Variants in NXPH3 observed in about 807,000 individuals in gnomAD.
NXPH3 encodes the protein neurexophilin 3.
In NXPH3, 7 loss-of-function variants were observed where a neutral mutation model predicts 18.8. The ratio of observed to expected loss-of-function variants is 0.37; its 90% CI spans 0.21 to 0.70. The LOEUF is 0.70. NXPH3 is among the 30% of genes least tolerant of loss of function. The pLI, the probability that NXPH3 is intolerant of heterozygous loss-of-function variation, is 0.53. For missense variants in NXPH3, 282 were observed against 338.1 expected, an observed-to-expected ratio of 0.83 and a Z score of 1.30; for synonymous variants, 101 against 137.3, an observed-to-expected ratio of 0.74 and a Z score of 1.85.
rs924458878 is a variant in NXPH3, at chr17:49,581,855, G to A, written c.*2555G>A. ...CTCCTCCTGTGGAGAGCCAGATGCT[G>A]GCGACAGCTGGAGGGCCCGGCCTTC... On this transcript the variant is annotated 3_prime_UTR_variant, in exon 2 of 2. Transcript: ENST00000328741. The A allele has an allele frequency of 7.2e-6, 5 of 690,122 alleles. No individual in the cohort carries two copies. Among genetic ancestry groups the A allele is most frequent in the African/African-American group, 3.5e-5 (2 of 56,870 alleles). The allele number at this position is 690,122 out of a possible 1,614,324, so 42.7% of individuals were successfully genotyped here.
chr17:49,576,345 C>A, intron 1 of NXPH3, 72 bp downstream of exon 1: 5 of 1,499,860 alleles, frequency 3.3e-6, no homozygotes, highest in Non-Finnish European at 3.6e-6. Flanking sequence ...GGGAAGCTTG[C>A]GAGCCCTGAA....
chr17:49,578,731 A>C lies in NXPH3; in HGVS notation c.190A>C (p.Thr64Pro). The change falls in exon 2 of 2, where the codon ACT (threonine) becomes CCT (proline). Residue 64 changes from threonine (T) to proline (P), a missense_variant. By Grantham distance (38) the Thr-to-Pro change is conservative. Coordinates refer to ENST00000328741, the MANE Select transcript of NXPH3 (RefSeq NM_007225.4). This position sits in a 1 kb window ranked among gnomAD's most constrained non-coding sequence, Gnocchi z 4.5. ...TAAGTCCCGCCCCATGGCCAATTCC[A>C]CTCTCCTAGGGCTGCTGGCCCCGCC... ...SPKSRPMANSTLLGLLAPPGE... is the reference protein window; with the variant it reads ...SPKSRPMANSPLLGLLAPPGE... 1.2e-6 allele frequency: 2 copies of C among 1,612,772 alleles called. No individual in the cohort carries two copies. Among genetic ancestry groups the C allele is most frequent in the Non-Finnish European group, 1.7e-6 (2 of 1,179,806 alleles).
Position 49,581,148 on chromosome 17 carries a change from T to C in NXPH3, c.*1848T>C, listed in dbSNP as rs1427608425. 10 of 179,116 alleles carry C rather than the reference T, an allele frequency of 5.6e-5. No individual in the cohort carries two copies. The highest frequency in any genetic ancestry group is 8.2e-5 in the Non-Finnish European group (7 of 85,446). The allele number at this position is 179,116 out of a possible 1,614,324, so 11.1% of individuals were successfully genotyped here. A position where few individuals can be genotyped will look rare whatever the true frequency, so the allele number is the denominator to read the frequency against. Reference sequence around the variant, plus strand: ...ACCACATGCCAGTGAAGGAACAGGCTGGAGTGGGGTGTGGACACAGGGCCT... The same window carrying C: ...ACCACATGCCAGTGAAGGAACAGGCCGGAGTGGGGTGTGGACACAGGGCCT... On this transcript the variant is annotated 3_prime_UTR_variant, in exon 2 of 2. Transcript: ENST00000328741.
Position 49,579,133 on chromosome 17 carries a change from A to G in NXPH3, c.592A>G (p.Ile198Val), listed in dbSNP as rs772159853. ...TSLCTHDPAKICSRDHAQSSA... is the reference protein window; with the variant it reads ...TSLCTHDPAKVCSRDHAQSSA... ...GCTTTGCACCCACGACCCAGCCAAG[A>G]TCTGCTCCCGAGACCACGCTCAGAG... The change falls in exon 2 of 2, where the codon ATC becomes GTC. Residue 198 changes from isoleucine (I) to valine (V), a missense_variant. Coordinates refer to ENST00000328741, the MANE Select transcript of NXPH3 (RefSeq NM_007225.4). The surrounding 1 kb of genome is among the most constrained non-coding windows in gnomAD (Gnocchi z 6.0). The G allele has an allele frequency of 1.9e-6, 3 of 1,613,948 alleles. No individual in the cohort carries two copies. The highest frequency in any genetic ancestry group is 2.5e-6 in the Non-Finnish European group (3 of 1,180,042).
chr17:49,576,164 G>A lies in NXPH3; in HGVS notation c.-56G>A, dbSNP rs2071569795. ...CTGAAGGAGCAGGAAGGGGAAGGAG[G>A]CCTGGGACCCCGAAAAGAGAAGGGG... On this transcript the variant is annotated 5_prime_UTR_variant, in exon 1 of 2. Transcript: ENST00000328741. 2.6e-6 allele frequency: 4 copies of A among 1,548,264 alleles called. No individual in the cohort carries two copies. The highest frequency in any genetic ancestry group is 2.0e-5 in the Admixed American group (1 of 51,088).
intron 1 of NXPH3, among the ~76,000 whole-genome samples, 178 bp downstream of exon 1, chr17:49,576,451 TA>T (rs1401235869): frequency 4.0e-5 from 6 of 151,024 alleles, no homozygotes; most frequent in Admixed American, 3.9e-4. Context: ...CAGATAGGGT[TA>T]ATAGGGGCGG....
Position 49,578,675 on chromosome 17 carries a change from G to T in NXPH3, c.134G>T (p.Arg45Leu). The change falls in exon 2 of 2, where the codon CGG becomes CTG. Residue 45 changes from arginine to leucine, a missense_variant. Arg to Leu is a moderately radical substitution (Grantham distance 102). Coordinates refer to ENST00000328741, the MANE Select transcript of NXPH3 (RefSeq NM_007225.4). The surrounding 1 kb of genome is among the most constrained non-coding windows in gnomAD (Gnocchi z 4.5). Reference protein sequence around the residue: ...RDDHEGQPRPRVPRKRGHISP... With the variant: ...RDDHEGQPRPLVPRKRGHISP... ...GACCACGAGGGCCAGCCCCGGCCCCGGGTGCCTCGGAAGCGGGGCCACATC... is the reference window on the plus strand; with the variant it reads ...GACCACGAGGGCCAGCCCCGGCCCCTGGTGCCTCGGAAGCGGGGCCACATC... The T allele has an allele frequency of 6.2e-7, 1 of 1,612,100 alleles. No individual in the cohort carries two copies. The highest frequency in any genetic ancestry group is 8.5e-7 in the Non-Finnish European group (1 of 1,179,448).
At chr17:49,576,397 A>T (rs2071571303) in intron 1 of NXPH3, 124 bp downstream of exon 1, 1 of 1,127,270 alleles carries the variant, frequency 8.9e-7, no homozygotes, top group East Asian at 2.6e-5. Flanking sequence ...GGCGGGGAAG[A>T]CTGGAGGCTG....
Position 49,583,555 on chromosome 17 carries a change from G to A in NXPH3, c.*4255G>A, listed in dbSNP as rs2071611621. 1 of 152,216 alleles carries A rather than the reference G, an allele frequency of 6.6e-6. No homozygotes were observed. The highest frequency in any genetic ancestry group is 6.5e-5 in the Admixed American group (1 of 15,286). 9.4% of individuals were successfully genotyped at this position (152,216 alleles called of 1,614,324 possible). ...AGGATGCCTAGTTCAAGGCCTCCCA[G>A]TTCCTCATCCCAGGCCACCTGGTCA... On this transcript the variant is annotated 3_prime_UTR_variant, in exon 2 of 2. Transcript: ENST00000328741.
rs1403717623 is a variant in NXPH3, at chr17:49,580,956, C to G, written c.*1656C>G. On this transcript the variant is annotated 3_prime_UTR_variant, in exon 2 of 2. Coordinates refer to ENST00000328741, the MANE Select transcript of NXPH3 (RefSeq NM_007225.4). ...TATGCTGATGCTGCTGCTCCAGGGC[C>G]CATGCTGGGAGACCCACTCAAAGGA... The G allele has an allele frequency of 6.5e-6, 1 of 153,012 alleles. No individual in the cohort carries two copies. The highest frequency in any genetic ancestry group is 2.4e-5 in the African/African-American group (1 of 41,454). The allele number at this position is 153,012 out of a possible 1,614,324, so 9.5% of individuals were successfully genotyped here.
chr17:49,577,268 A>T (rs1217175189), intron 1 of NXPH3, among the ~76,000 whole-genome samples: 3 of 151,918 alleles, frequency 2.0e-5, no homozygotes, highest in African/African-American at 7.3e-5. Context: ...GCAGAGACAG[A>T]CTCGGCCACA....
intron 1 of NXPH3, among the ~76,000 whole-genome samples, 195 bp downstream of exon 1, chr17:49,576,468 G>A (rs1434793898): frequency 2.0e-5 from 3 of 152,016 alleles, no homozygotes; most frequent in African/African-American, 7.2e-5. Context: ...GGCGGGGAGA[G>A]GGTGCTTGGC....
chr17:49,580,779 T>A lies in NXPH3; in HGVS notation c.*1479T>A, dbSNP rs918586400. 1 of 152,560 alleles carries A rather than the reference T, an allele frequency of 6.6e-6. No homozygotes were observed. Among genetic ancestry groups the A allele is most frequent in the African/African-American group, 2.4e-5 (1 of 41,472 alleles). The allele number at this position is 152,560 out of a possible 1,614,324, so 9.5% of individuals were successfully genotyped here. On this transcript the variant is annotated 3_prime_UTR_variant, in exon 2 of 2. Coordinates refer to ENST00000328741, the MANE Select transcript of NXPH3 (RefSeq NM_007225.4). ...CTTTCTTTCTTTGTTTCTTCCTCTA[T>A]GACATGAAGGGCTTGCCCAGACCAG...
At position 49,576,303 on chromosome 17, in the gene NXPH3, G is replaced by A. The variant is rs967009441; in HGVS notation, c.54+30G>A. On this transcript the variant is annotated intron_variant, in intron 1 of 1. Transcript: ENST00000328741. ...GTGGTCCGAGGGGAGCTGCGCAGAG[G>A]GGCGGGGGCCCGGAGGATCGGGGGA... 1.0e-5 allele frequency: 16 copies of A among 1,556,618 alleles called. No homozygotes were observed. In the African/African-American group the frequency reaches 1.5e-4, roughly 15 times the overall value.
chr17:49,576,117 A>C lies in NXPH3; in HGVS notation c.-103A>C. Reference sequence around the variant, plus strand: ...AGGGGAGGGCCGCGGGCCGCCGGGGACTGGAGCATGGGACGGCGCGCCTGA... The same window carrying C: ...AGGGGAGGGCCGCGGGCCGCCGGGGCCTGGAGCATGGGACGGCGCGCCTGA... On this transcript the variant is annotated 5_prime_UTR_variant, in exon 1 of 2. Transcript: ENST00000328741. 8 of 1,398,046 alleles carry C rather than the reference A, an allele frequency of 5.7e-6. No individual in the cohort carries two copies. The highest frequency in any genetic ancestry group is 7.9e-6 in the Non-Finnish European group (8 of 1,014,708). 86.6% of individuals were successfully genotyped at this position (1,398,046 alleles called of 1,614,324 possible). A position where few individuals can be genotyped will look rare whatever the true frequency, so the allele number is the denominator to read the frequency against.
rs1239453247 is a variant in NXPH3 at position 49,576,152 on chromosome 17, AAGGGGAAGG to A, written c.-64_-56del. 5.9e-6 allele frequency: 9 copies of A among 1,537,192 alleles called. No homozygotes were observed. The highest frequency in any genetic ancestry group is 6.2e-6 in the Non-Finnish European group (7 of 1,135,284). Reference sequence around the variant, plus strand: ...GGGACGGCGCGCCTGAAGGAGCAGGAAGGGGAAGGAGGCCTGGGACCCCGAAAAGAGAAG... The same window carrying A: ...GGGACGGCGCGCCTGAAGGAGCAGGAAGGCCTGGGACCCCGAAAAGAGAAG... On this transcript the variant is annotated 5_prime_UTR_variant, in exon 1 of 2. Coordinates refer to ENST00000328741, the MANE Select transcript of NXPH3 (RefSeq NM_007225.4).
At position 49,579,402 on chromosome 17, in the gene NXPH3, A is replaced by T; in HGVS notation, c.*102A>T. On this transcript the variant is annotated 3_prime_UTR_variant, in exon 2 of 2. Coordinates refer to ENST00000328741, the MANE Select transcript of NXPH3 (RefSeq NM_007225.4). The surrounding 1 kb of genome is among the most constrained non-coding windows in gnomAD (Gnocchi z 6.0). ...GCAGGGAAGGGGTTGGGCCTCAGGC[A>T]GGGAGGGGGGTGGAGACGAGGAGAT... 1 of 1,044,384 alleles carries T rather than the reference A, an allele frequency of 9.6e-7. No individual in the cohort carries two copies. The highest frequency in any genetic ancestry group is 1.4e-6 in the Non-Finnish European group (1 of 725,676). 64.7% of individuals were successfully genotyped at this position (1,044,384 alleles called of 1,614,324 possible). A position where few individuals can be genotyped will look rare whatever the true frequency, so the allele number is the denominator to read the frequency against.
At position 49,579,401 on chromosome 17, in the gene NXPH3, C is replaced by CAGGG; in HGVS notation, c.*106_*109dup. On this transcript the variant is annotated 3_prime_UTR_variant, in exon 2 of 2. Transcript: ENST00000328741. The surrounding 1 kb of genome is among the most constrained non-coding windows in gnomAD (Gnocchi z 6.0). ...GGCAGGGAAGGGGTTGGGCCTCAGG[C>CAGGG]AGGGAGGGGGGTGGAGACGAGGAGA... is the stretch of plus-strand genomic sequence containing the variant. 1 of 1,048,326 alleles carries CAGGG rather than the reference C, an allele frequency of 9.5e-7. No homozygotes were observed. Among genetic ancestry groups the CAGGG allele is most frequent in the South Asian group, 1.6e-5 (1 of 64,330 alleles). 64.9% of individuals were successfully genotyped at this position (1,048,326 alleles called of 1,614,324 possible).
chr17:49,576,784 T>C (rs1390906288), intron 1 of NXPH3, among the ~76,000 whole-genome samples: 1 of 136,850 alleles, frequency 7.3e-6, no homozygotes, highest in African/African-American at 2.7e-5. Context: ...TGTTTTCCTC[T>C]GCTCTCCCGG....
Sources: allele counts gnomAD v4.1 joint callset (sites outside exome capture counted in the v4.1 genomes callset), GRCh38; gene constraint gnomAD v4.1.1; non-coding constraint Gnocchi (gnomAD v3.1); transcripts MANE v1.5; gene names NCBI Gene and HGNC (gene_info 2026-07-23, HGNC 2026-07-21).